ZMIZ1: variants seen among roughly 807,000 people sequenced by gnomAD.
The protein encoded by ZMIZ1 is zinc finger MIZ domain-containing protein 1.
Under a neutral mutation model 113.9 loss-of-function variants are expected in ZMIZ1, and 17 were observed. The observed-to-expected ratio is 0.15, with a 90% confidence interval of 0.10 to 0.22. ZMIZ1 has a LOEUF of 0.22. Ranked by LOEUF, ZMIZ1 falls within the 10% of genes least tolerant of loss-of-function variation. The pLI is 1.00. For synonymous variants in ZMIZ1, 607 were observed against 603.1 expected (o/e 1.01, Z -0.09); for missense variants, 1,059 against 1,477.8 (o/e 0.72, Z 4.65).
intron 7 of ZMIZ1, among the ~76,000 whole-genome samples, chr10:79,233,607 C>A (rs1241685811): frequency 6.6e-6 from 1 of 152,256 alleles, no homozygotes; most frequent in Non-Finnish European, 1.5e-5. Flanking sequence ...AACACTCAGA[C>A]CACAGCAACC....
At chr10:79,292,127 A>T (rs758480796) in intron 10 of ZMIZ1, 31 bp from the exon 11 acceptor site, 62 of 1,582,044 alleles carry the variant, frequency 3.9e-5, no homozygotes, top group Non-Finnish European at 5.3e-5. Context: ...TGCAGGCAGT[A>T]CCTAACTCTT....
chr10:79,287,969 G>A (rs1260923958), intron 8 of ZMIZ1, among the ~76,000 whole-genome samples: 1 of 152,218 alleles, frequency 6.6e-6, no homozygotes, highest in Non-Finnish European at 1.5e-5. Context: ...GGGGCAGGCA[G>A]TGTCGGGTAG....
At position 79,084,266 on chromosome 10, in the gene ZMIZ1, C is replaced by T. The variant is rs76829478; in HGVS notation, c.-337+14996C>T. ...CACTGAAAATTCTACTCCTCTCCCT[C>T]CCACACTCTATTGCAAGGGATCAAC... On this transcript the variant is annotated intron_variant, in intron 1 of 24. Coordinates refer to ENST00000334512, the MANE Select transcript of ZMIZ1 (RefSeq NM_020338.4). Among the ~76,000 whole-genome samples, 1,410 of 152,364 alleles carry T rather than the reference C, an allele frequency of 9.3e-3. 9 individuals carry two copies. The highest frequency in any genetic ancestry group is 0.014 in the Non-Finnish European group (930 of 68,036).
intron 24 of ZMIZ1, among the ~76,000 whole-genome samples, chr10:79,311,495 C>T (rs976368522): frequency 6.6e-6 from 1 of 152,154 alleles, no homozygotes; most frequent in Non-Finnish European, 1.5e-5. Context: ...TCCCTGCCCT[C>T]CCCCGATGGT....
intron 7 of ZMIZ1, among the ~76,000 whole-genome samples, chr10:79,232,888 C>T (rs1223944681): frequency 6.6e-6 from 1 of 152,140 alleles, no homozygotes; most frequent in African/African-American, 2.4e-5. Context: ...GGGAACAGCA[C>T]CACCTGCCCC....
At chr10:79,128,714 C>T (rs985641904) in intron 2 of ZMIZ1, among the ~76,000 whole-genome samples, 4 of 152,204 alleles carry the variant, frequency 2.6e-5, no homozygotes, top group Non-Finnish European at 5.9e-5. Flanking sequence ...GCTTGCCAAT[C>T]CCCAGGGCAC....
At chr10:79,168,331 A>G (rs2132521313) in intron 4 of ZMIZ1, among the ~76,000 whole-genome samples, 1 of 152,310 alleles carries the variant, frequency 6.6e-6, no homozygotes, top group South Asian at 2.1e-4. Flanking sequence ...TACTGAGCCA[A>G]CAGCCCCCCT....
intron 4 of ZMIZ1, among the ~76,000 whole-genome samples, chr10:79,171,386 C>T (rs1172910288): frequency 6.6e-6 from 1 of 152,234 alleles, no homozygotes; most frequent in African/African-American, 2.4e-5. Flanking sequence ...TTGTCTCCTT[C>T]CTGGGCTGGG....
At chr10:79,083,238 T>C (rs563731474) in intron 1 of ZMIZ1, among the ~76,000 whole-genome samples, 1 of 152,290 alleles carries the variant, frequency 6.6e-6, no homozygotes, top group Admixed American at 6.5e-5. Context: ...AGGGAAGGCT[T>C]CTCTGAAGAG....
At chr10:79,177,599 G>T (rs536907267) in intron 4 of ZMIZ1, among the ~76,000 whole-genome samples, 1 of 152,330 alleles carries the variant, frequency 6.6e-6, no homozygotes, top group East Asian at 1.9e-4. Context: ...CTCCTGCCCC[G>T]GGATGTCCTC....
intron 1 of ZMIZ1, among the ~76,000 whole-genome samples, chr10:79,101,951 C>T (rs1373629488): frequency 1.3e-5 from 2 of 152,182 alleles, no homozygotes; most frequent in Admixed American, 6.5e-5. Flanking sequence ...TGGCCAGCTC[C>T]AGGTCACACG....
At chr10:79,098,085 T>C (rs1231139209) in intron 1 of ZMIZ1, among the ~76,000 whole-genome samples, 12 of 152,248 alleles carry the variant, frequency 7.9e-5, no homozygotes, top group African/African-American at 2.6e-4. Context: ...GGGCTTGGGG[T>C]TGTGGGGAAT....
chr10:79,300,539 G>A (rs996206344), intron 16 of ZMIZ1, among the ~76,000 whole-genome samples, 193 bp from the exon 17 acceptor site: 1 of 152,116 alleles, frequency 6.6e-6, no homozygotes, highest in African/African-American at 2.4e-5. Context: ...CTTGGGGGCA[G>A]TTTGGGTGTA....
At chr10:79,116,884 C>G (rs183216951) in intron 1 of ZMIZ1, among the ~76,000 whole-genome samples, 4 of 152,376 alleles carry the variant, frequency 2.6e-5, no homozygotes, top group South Asian at 2.1e-4. Context: ...GAGTTATCTC[C>G]TGCTGCCCAG....
intron 1 of ZMIZ1, among the ~76,000 whole-genome samples, chr10:79,074,574 G>A (rs536370545): frequency 6.6e-6 from 1 of 152,348 alleles, no homozygotes; most frequent in East Asian, 1.9e-4. Context: ...AGGAGGCAGA[G>A]GTGTTTCCAG....
In ZMIZ1 at chr10:79,277,194, C is replaced by T. The variant is rs759984359; in HGVS notation, c.294C>T (p.Ser98=). Residue 98 remains serine, a synonymous_variant, in exon 8 of 25, where the codon TCC becomes TCT. Coordinates refer to ENST00000334512, the MANE Select transcript of ZMIZ1 (RefSeq NM_020338.4). ...TCCTTCCTGCAGCCTTGTTGTCCTC[C>T]TGGTGCGAAGAGCTCGGCCGCCTGC... is the stretch of plus-strand genomic sequence containing the variant. ...FTPKSAALLS[S]WCEELGRLLL... is the part of the protein sequence containing the mutation. 3.2e-6 allele frequency: 5 copies of T among 1,553,904 alleles called. No individual in the cohort carries two copies. The East Asian group carries it at 7.5e-5, about 23-fold the overall frequency.
chr10:79,225,672 A>C (rs543319962), intron 7 of ZMIZ1, among the ~76,000 whole-genome samples: 2 of 152,304 alleles, frequency 1.3e-5, no homozygotes, highest in East Asian at 3.9e-4. Flanking sequence ...CTTAGAAACA[A>C]CAGCATCCCA....
intron 1 of ZMIZ1, among the ~76,000 whole-genome samples, chr10:79,082,819 C>T (rs1323186083): frequency 1.3e-5 from 2 of 152,230 alleles, no homozygotes; most frequent in Non-Finnish European, 2.9e-5. Flanking sequence ...GGAGCCCATG[C>T]ACTGAATGGG....
chr10:79,080,526 C>G (rs1445634576), intron 1 of ZMIZ1, among the ~76,000 whole-genome samples: 1 of 152,052 alleles, frequency 6.6e-6, no homozygotes, highest in African/African-American at 2.4e-5. Context: ...CCAGGCTGGT[C>G]TCGAACTCCT....
Sources: allele counts gnomAD v4.1 joint callset (sites outside exome capture counted in the v4.1 genomes callset), GRCh38; gene constraint gnomAD v4.1.1; transcripts MANE v1.5; gene names NCBI Gene and HGNC (gene_info 2026-07-23, HGNC 2026-07-21).